Variants in WLS observed in about 807,000 individuals in gnomAD.
WLS encodes protein wntless homolog.
WLS carries 23 observed loss-of-function variants against 62.8 expected under a neutral mutation model. The ratio of observed to expected loss-of-function variants is 0.37; its 90% CI spans 0.26 to 0.52. The LOEUF is 0.52. WLS is among the 20% of genes least tolerant of loss of function. The pLI, the probability that WLS is intolerant of heterozygous loss-of-function variation, is 0.92. For synonymous variants in WLS, 246 were observed against 244.1 expected (o/e 1.01, Z -0.07); for missense variants, 615 against 697.3 (o/e 0.88, Z 1.33).
chr1:68,145,139 A>G (rs1212466748), intron 9 of WLS, among the ~76,000 whole-genome samples: 2 of 152,238 alleles, frequency 1.3e-5, no homozygotes, highest in Admixed American at 1.3e-4. Flanking sequence ...AGCAGGATTT[A>G]AGAGAACCTG....
intron 3 of WLS, among the ~76,000 whole-genome samples, chr1:68,156,035 G>A (rs928903630): frequency 2.0e-5 from 3 of 152,116 alleles, no homozygotes; most frequent in East Asian, 1.9e-4. Context: ...CCCAGAGCAC[G>A]GTGGTGGGAA....
At chr1:68,133,801 T>G (rs1646566275) in intron 11 of WLS, among the ~76,000 whole-genome samples, 1 of 152,216 alleles carries the variant, frequency 6.6e-6, no homozygotes. Context: ...TCCTGACACT[T>G]GGCATGTCCC....
At chr1:68,105,057 C>G (rs1436214999) in intron 11 of WLS, among the ~76,000 whole-genome samples, 1 of 152,226 alleles carries the variant, frequency 6.6e-6, no homozygotes, top group Non-Finnish European at 1.5e-5. Flanking sequence ...TTCTCTTCAG[C>G]TCTAATTTAT....
rs1222292445 is a variant in WLS, at chr1:68,125,676, C to A, written c.*550G>T. On this transcript the variant is annotated 3_prime_UTR_variant, in exon 12 of 12. Coordinates refer to ENST00000262348, the MANE Select transcript of WLS (RefSeq NM_024911.7). The stretch of plus-strand genomic sequence containing the variant: ...CATGAAATTCAGTTATATTATGCCA[C>A]AAAACAGGGACACTTATCTATTGAC... 5 of 985,382 alleles carry A rather than the reference C, an allele frequency of 5.1e-6. No individual in the cohort carries two copies. Among genetic ancestry groups the A allele is most frequent in the Non-Finnish European group, 4.8e-6 (4 of 830,076 alleles). The allele number at this position is 985,382 out of a possible 1,614,324, so 61.0% of individuals were successfully genotyped here.
intron 2 of WLS, among the ~76,000 whole-genome samples, chr1:68,185,495 G>A (rs1454626830): frequency 1.3e-5 from 2 of 152,164 alleles, no homozygotes; most frequent in Non-Finnish European, 2.9e-5. Context: ...GGGTGAGCAA[G>A]TATTATAGCC....
intron 2 of WLS, among the ~76,000 whole-genome samples, chr1:68,190,528 G>A (rs77832223): frequency 5.8e-4 from 88 of 152,302 alleles, no homozygotes; most frequent in African/African-American, 2.0e-3. Context: ...CACTATCCCT[G>A]GGGGAAGCCC....
intron 2 of WLS, among the ~76,000 whole-genome samples, chr1:68,175,888 C>A (rs1018082490): frequency 1.3e-5 from 2 of 152,120 alleles, no homozygotes; most frequent in Non-Finnish European, 2.9e-5. Flanking sequence ...GTGCTGCCAG[C>A]AGAAAGAAAA....
chr1:68,137,919 A>C lies in WLS; in HGVS notation c.1377T>G (p.His459Gln). 1 of 1,613,906 alleles carries C rather than the reference A, an allele frequency of 6.2e-7. No homozygotes were observed. Among genetic ancestry groups the C allele is most frequent in the Non-Finnish European group, 8.5e-7 (1 of 1,179,860 alleles). The change falls in exon 11 of 12, where the codon CAT (histidine) becomes CAG (glutamine). Residue 459 changes from histidine (H) to glutamine (Q), a missense_variant. Transcript: ENST00000262348. ...GGACTGTGACGCCGCCCCATTTCCA[A>C]TGGCCTTCCGTTACCTGCGGAGAAA... ...FFIVSQVTEG[H>Q]WKWGGVTVQV...
intron 2 of WLS, among the ~76,000 whole-genome samples, chr1:68,179,504 T>C (rs563063002): frequency 3.3e-4 from 50 of 152,316 alleles, no homozygotes; most frequent in African/African-American, 1.2e-3. Flanking sequence ...CCAGATATAA[T>C]TGTTCCGATG....
chr1:68,197,815 T>C (rs764433768), intron 1 of WLS, among the ~76,000 whole-genome samples: 6 of 152,182 alleles, frequency 3.9e-5, no homozygotes, highest in Non-Finnish European at 8.8e-5. Flanking sequence ...TTGATCTGTC[T>C]GTAAATTTTT....
chr1:68,101,653 GTAT>G (rs965622928), intron 11 of WLS, among the ~76,000 whole-genome samples: 6 of 152,256 alleles, frequency 3.9e-5, no homozygotes, highest in Admixed American at 1.3e-4. Flanking sequence ...ACAGGGCTTG[GTAT>G]TATTAAGATG....
At chr1:68,219,356 G>A (rs1388218384) in intron 1 of WLS, among the ~76,000 whole-genome samples, 2 of 152,124 alleles carry the variant, frequency 1.3e-5, no homozygotes, top group African/African-American at 2.4e-5. Flanking sequence ...GTCTTCCTTG[G>A]ACCTTAGTTT....
chr1:68,205,290 A>C (rs1649235878), intron 1 of WLS, among the ~76,000 whole-genome samples: 1 of 152,208 alleles, frequency 6.6e-6, no homozygotes, highest in South Asian at 2.1e-4. Flanking sequence ...TGAAATACTG[A>C]ATTTTGAAGA....
rs867741944 is a variant in WLS, at chr1:68,195,963, T to C, written c.107-1736A>G. Among the ~76,000 whole-genome samples the C allele has an allele frequency of 5.9e-5, 9 of 152,150 alleles. 1 individual carries two copies. The South Asian group carries it at 1.9e-3, about 32-fold the overall frequency. On this transcript the variant is annotated intron_variant, in intron 1 of 11. Coordinates refer to ENST00000262348, the MANE Select transcript of WLS (RefSeq NM_024911.7). ...TATCATATCACTGTTAATCTTTATG[T>C]ATGTAAGCATGTTTCTGAACATCTG... is the stretch of plus-strand genomic sequence containing the variant.
chr1:68,131,553 G>A lies in WLS; in HGVS notation c.1517-5218C>T, dbSNP rs538235834. Among the ~76,000 whole-genome samples, 9 of 152,134 alleles carry A rather than the reference G, an allele frequency of 5.9e-5. No homozygotes were observed. The East Asian group carries it at 7.7e-4, about 13-fold the overall frequency. On this transcript the variant is annotated intron_variant, in intron 11 of 11. Coordinates refer to ENST00000262348, the MANE Select transcript of WLS (RefSeq NM_024911.7). ...AGGTCATTTATTCCAGGCTTGGAGC[G>A]AGCCATTGCCCATGGACCTCCAAAG...
At position 68,190,822 on chromosome 1, in the gene WLS, C is replaced by T. The variant is rs149522458; in HGVS notation, c.379+3133G>A. Among the ~76,000 whole-genome samples the T allele has an allele frequency of 5.1e-3, 771 of 152,284 alleles. 4 individuals are homozygous for T. Among genetic ancestry groups the T allele is most frequent in the African/African-American group, 0.018 (750 of 41,544 alleles). ...CCTGTAATCCCAGCACTTTGGGAGG[C>T]CGAAGTGAGTGGATCACCTGAGGTC... On this transcript the variant is annotated intron_variant, in intron 2 of 11. Transcript: ENST00000262348.
At chr1:68,130,587 T>C (rs1400776673) in intron 11 of WLS, among the ~76,000 whole-genome samples, 1 of 152,242 alleles carries the variant, frequency 6.6e-6, no homozygotes, top group Non-Finnish European at 1.5e-5. Flanking sequence ...TAACGAAGTC[T>C]CTGGTTCACA....
chr1:68,190,008 CA>C (rs900922609), intron 2 of WLS, among the ~76,000 whole-genome samples: 12 of 151,632 alleles, frequency 7.9e-5, no homozygotes, highest in Admixed American at 1.3e-4. Flanking sequence ...GACTCCGTCT[CA>C]AAAAAAATAA....
chr1:68,150,076 A>G, intron 6 of WLS, 112 bp downstream of exon 6: 4 of 1,117,902 alleles, frequency 3.6e-6, no homozygotes, highest in Non-Finnish European at 5.1e-6. Context: ...TGTAACTACT[A>G]GTTTATTCTG....
Sources: gnomAD v4.1 joint callset for allele counts (sites outside exome capture counted in the v4.1 genomes callset) on GRCh38, gnomAD v4.1.1 for gene constraint, MANE v1.5 for transcripts, NCBI Gene and HGNC (gene_info 2026-07-23, HGNC 2026-07-21) for gene names.